The following DNAH12 variants were observed in gnomAD, a reference collection of about 807,000 sequenced individuals.
DNAH12 encodes dynein axonemal heavy chain 12, also known as axonemal beta dynein heavy chain 12.
DNAH12 carries 285 observed loss-of-function variants against 371.5 expected under a neutral mutation model. The observed-to-expected ratio is 0.77, with a 90% CI of 0.70 to 0.85. The LOEUF (loss-of-function observed/expected upper bound fraction) is 0.85, where lower values mean the gene tolerates loss of function less well. DNAH12 is among the 40% of genes least tolerant of loss of function. DNAH12 has a pLI of 0.00. For synonymous variants in DNAH12, 1,200 were observed against 1,213.0 expected, an observed-to-expected ratio of 0.99 and a Z score of 0.22; for missense variants, 3,611 against 3,689.4, an observed-to-expected ratio of 0.98 and a Z score of 0.55.
At chr3:57,410,317 T>A (rs1035943034) in intron 39 of DNAH12, among the ~76,000 whole-genome samples, 5 of 151,974 alleles carry the variant, frequency 3.3e-5, no homozygotes, top group Non-Finnish European at 7.4e-5. Context: ...CCATTTTTTT[T>A]ATATCTGGTA....
chr3:57,325,172 C>A (rs1340453008), intron 62 of DNAH12, among the ~76,000 whole-genome samples: 1 of 152,232 alleles, frequency 6.6e-6, no homozygotes, highest in African/African-American at 2.4e-5. Flanking sequence ...ACAGCAGTAA[C>A]CTCTGCAGAC....
chr3:57,317,624 G>C (rs1376474038), intron 65 of DNAH12, among the ~76,000 whole-genome samples: 2 of 152,120 alleles, frequency 1.3e-5, no homozygotes, highest in Non-Finnish European at 2.9e-5. Context: ...ATTGTGAATG[G>C]TGCTGCAATG....
chr3:57,404,903 T>A (rs1339600699), intron 42 of DNAH12, 66 bp downstream of exon 42: 3 of 1,371,456 alleles, frequency 2.2e-6, no homozygotes, highest in Non-Finnish European at 2.9e-6. Flanking sequence ...TTTTGGTACA[T>A]TTCAAACATT....
At chr3:57,531,488 G>A (rs371815805) in intron 2 of DNAH12, among the ~76,000 whole-genome samples, 28 of 152,150 alleles carry the variant, frequency 1.8e-4, no homozygotes, top group African/African-American at 5.1e-4. Flanking sequence ...GGGGCCAGGC[G>A]TGGTGGCTCA....
chr3:57,304,592 A>G (rs1336873395), intron 69 of DNAH12, among the ~76,000 whole-genome samples: 1 of 152,174 alleles, frequency 6.6e-6, no homozygotes. Context: ...GGCGCTGAAC[A>G]TGGACTTGGG....
In DNAH12 at chr3:57,518,532, A is replaced by AAAAAGAAAAG. The variant is rs3039031; in HGVS notation, c.279+5041_279+5050dup. Among the ~76,000 whole-genome samples, 1,472 of 149,666 alleles carry AAAAAGAAAAG rather than the reference A, an allele frequency of 9.8e-3. 41 individuals are homozygous for AAAAAGAAAAG. Among genetic ancestry groups the AAAAAGAAAAG allele is most frequent in the Non-Finnish European group, 9.8e-3 (663 of 67,560 alleles). ...CAGAGCAAGACTACTCTGTCTCAAA[A>AAAAAGAAAAG]AAAAGAAAAGAAAAGAAAAGAAAGA... On this transcript the variant is annotated intron_variant, in intron 4 of 73. Coordinates refer to ENST00000495027, the MANE Select transcript of DNAH12 (RefSeq NM_001366028.2).
intron 2 of DNAH12, among the ~76,000 whole-genome samples, chr3:57,528,055 T>C (rs1449030877): frequency 6.6e-6 from 1 of 151,992 alleles, no homozygotes; most frequent in East Asian, 1.9e-4. Context: ...TGAGACAGAG[T>C]TTCGCTCTTG....
chr3:57,458,619 GT>G (rs2065968245), intron 20 of DNAH12, among the ~76,000 whole-genome samples: 1 of 152,122 alleles, frequency 6.6e-6, no homozygotes, highest in Non-Finnish European at 1.5e-5. Context: ...TCTGTTGTCA[GT>G]TTTTGTATAA....
At chr3:57,456,688 G>C (rs1466595713) in intron 22 of DNAH12, among the ~76,000 whole-genome samples, 2 of 152,160 alleles carry the variant, frequency 1.3e-5, no homozygotes, top group Non-Finnish European at 2.9e-5. Flanking sequence ...GTGCAGGATT[G>C]TTTGCCTATG....
At chr3:57,335,534 G>A (rs1481398048) in intron 60 of DNAH12, among the ~76,000 whole-genome samples, 2 of 152,114 alleles carry the variant, frequency 1.3e-5, no homozygotes, top group African/African-American at 4.8e-5. Context: ...AAATCTAGAT[G>A]GTGTATATGG....
At chr3:57,362,399 G>A (rs1450306691) in intron 58 of DNAH12, among the ~76,000 whole-genome samples, 5 of 152,296 alleles carry the variant, frequency 3.3e-5, no homozygotes, top group Middle Eastern at 3.4e-3. Flanking sequence ...GGATGGCTGG[G>A]TCAAATGGTA....
intron 60 of DNAH12, among the ~76,000 whole-genome samples, chr3:57,349,577 TCAA>T (rs1260456771): frequency 2.6e-5 from 4 of 152,236 alleles, no homozygotes; most frequent in African/African-American, 7.2e-5. Flanking sequence ...TGCCCATCAA[TCAA>T]CAAGTGGATA....
intron 4 of DNAH12, among the ~76,000 whole-genome samples, chr3:57,516,447 A>G (rs1012463316): frequency 2.6e-5 from 4 of 152,104 alleles, no homozygotes; most frequent in African/African-American, 4.8e-5. Flanking sequence ...TAGCAATGAA[A>G]TTGGTCCTCT....
Position 57,301,764 on chromosome 3 carries a change from C to A in DNAH12, c.11365G>T (p.Asp3789Tyr), listed in dbSNP as rs955496197. Residue 3789 changes from aspartate to tyrosine, a missense_variant, in exon 70 of 74, where the codon GAT (aspartate) becomes TAT (tyrosine). By Grantham distance (160) the Asp-to-Tyr change is radical. Around this residue, in one of 3 missense-constraint regions of DNAH12, gnomAD observed 2,266 missense variants for 2,236.9 expected, o/e 1.01. Coordinates refer to ENST00000495027, the MANE Select transcript of DNAH12 (RefSeq NM_001366028.2). ...AAAAAGTTCAACCGGGCTAGGAAATCTGTGATGTAACTTCCCAGGGGCTTA... is the reference window on the plus strand; with the variant it reads ...AAAAAGTTCAACCGGGCTAGGAAATATGTGATGTAACTTCCCAGGGGCTTA... ...SLKPLGSYIT[D>Y]FLARLNFLQD... is the part of the protein sequence containing the mutation. 1 of 1,549,968 alleles carries A rather than the reference C, an allele frequency of 6.5e-7. No homozygotes were observed. Among genetic ancestry groups the A allele is most frequent in the African/African-American group, 1.4e-5 (1 of 72,532 alleles).
chr3:57,338,257 CCG>C (rs1301047513), intron 60 of DNAH12, among the ~76,000 whole-genome samples: 2 of 152,242 alleles, frequency 1.3e-5, no homozygotes, highest in Non-Finnish European at 2.9e-5. Context: ...AGTGATCTGC[CCG>C]CCTCGGCCTC....
rs529227779 is a variant in DNAH12, at chr3:57,492,514, C to T, written c.1336-2827G>A. Among the ~76,000 whole-genome samples, 12 of 152,106 alleles carry T rather than the reference C, an allele frequency of 7.9e-5. No individual in the cohort carries two copies. The South Asian group carries it at 2.5e-3, about 32-fold the overall frequency. The stretch of plus-strand genomic sequence containing the variant: ...AATAAGTTCATCTGTACAGATGTTA[C>T]AGTTCATCATTCTTAAATTTCCCCC... On this transcript the variant is annotated intron_variant, in intron 11 of 73. Coordinates refer to ENST00000495027, the MANE Select transcript of DNAH12 (RefSeq NM_001366028.2).
chr3:57,514,696 TATC>T (rs2068125220), intron 4 of DNAH12, among the ~76,000 whole-genome samples: 1 of 151,926 alleles, frequency 6.6e-6, no homozygotes, highest in Non-Finnish European at 1.5e-5. Flanking sequence ...AAGTAAAAAA[TATC>T]ATCATGAATG....
intron 70 of DNAH12, among the ~76,000 whole-genome samples, chr3:57,300,108 T>C (rs2061315751): frequency 6.6e-6 from 1 of 152,186 alleles, no homozygotes. Flanking sequence ...CAGCCCCTGG[T>C]TCTTTGCAGA....
chr3:57,448,557 G>C (rs980998306), intron 25 of DNAH12, among the ~76,000 whole-genome samples: 1 of 152,184 alleles, frequency 6.6e-6, no homozygotes, highest in Non-Finnish European at 1.5e-5. Context: ...GCAGTAGCAA[G>C]ATTTATTGCA....
Sources: gnomAD v4.1 joint callset for allele counts (sites outside exome capture counted in the v4.1 genomes callset) on GRCh38, gnomAD v4.1.1 for gene constraint, gnomAD v4.1.1 regional missense constraint, MANE v1.5 for transcripts, NCBI Gene and HGNC (gene_info 2026-07-23, HGNC 2026-07-21) for gene names.